The following DENND4A variants were observed in gnomAD, a reference collection of about 807,000 sequenced individuals.
The protein encoded by DENND4A is C-myc promoter-binding protein.
A neutral mutation model predicts 199.3 loss-of-function variants in DENND4A; 70 were observed. The ratio of observed to expected loss-of-function variants is 0.35; its 90% CI spans 0.29 to 0.43. The LOEUF (loss-of-function observed/expected upper bound fraction) is 0.43. Among genes scored for constraint, DENND4A ranks in the 20% least tolerant of loss-of-function variants. The pLI is 1.00. For missense variants in DENND4A, 1,723 were observed against 2,255.8 expected (o/e 0.76, Z 4.78); for synonymous variants, 686 against 766.9 (o/e 0.89, Z 1.74).
chr15:65,741,657 C>G, intron 5 of DENND4A, 58 bp downstream of exon 5: 2 of 1,473,112 alleles, frequency 1.4e-6, no homozygotes, highest in Non-Finnish European at 1.9e-6. Flanking sequence ...TTACTTTAAC[C>G]TTTCCGGGCC....
chr15:65,706,447 AACACAC>A (rs77421887), intron 14 of DENND4A, among the ~76,000 whole-genome samples: 2,415 of 130,270 alleles, frequency 0.019, 33 homozygotes, highest in African/African-American at 0.036. Flanking sequence ...AGGGGAAAAT[AACACAC>A]ACACACACAC....
chr15:65,775,963 T>G (rs2077273573), intron 1 of DENND4A, among the ~76,000 whole-genome samples: 1 of 152,244 alleles, frequency 6.6e-6, no homozygotes, highest in Non-Finnish European at 1.5e-5. Flanking sequence ...AATATCTCTA[T>G]TCCAATGGTC....
At chr15:65,673,491 T>TA (rs532673297) in intron 24 of DENND4A, among the ~76,000 whole-genome samples, 264 of 137,750 alleles carry the variant, frequency 1.9e-3, no homozygotes, top group African/African-American at 4.4e-3. Context: ...AAACAAAGGT[T>TA]AAAAAAAAAA....
At chr15:65,788,932 T>C (rs1445951000) in intron 1 of DENND4A, among the ~76,000 whole-genome samples, 1 of 149,810 alleles carries the variant, frequency 6.7e-6, no homozygotes, top group East Asian at 2.0e-4. Flanking sequence ...AAATTACCCA[T>C]AATCCGATCA....
chr15:65,791,451 C>A (rs1171100581), intron 1 of DENND4A, among the ~76,000 whole-genome samples: 1 of 150,650 alleles, frequency 6.6e-6, no homozygotes, highest in African/African-American at 2.4e-5. Context: ...GTTCCCTTCC[C>A]CCACCACACA....
At chr15:65,680,099 C>T (rs769549845) in intron 23 of DENND4A, among the ~76,000 whole-genome samples, 20 of 152,150 alleles carry the variant, frequency 1.3e-4, no homozygotes, top group Non-Finnish European at 2.6e-4. Context: ...GGAAAAACAA[C>T]GCCTAGCCTA....
chr15:65,716,724 A>T (rs1053595622), intron 13 of DENND4A, among the ~76,000 whole-genome samples: 1 of 151,728 alleles, frequency 6.6e-6, no homozygotes, highest in Non-Finnish European at 1.5e-5. Flanking sequence ...ATGTGTCTTT[A>T]TAGCAGCATG....
rs1458858061 is a variant in DENND4A, at chr15:65,771,563, AAC to A, written c.-101-10127_-101-10126del. ...TACAATTATGGGCATCAGCTGGATA[AAC>A]ACAGAAAAACCTCCATCTCCTCTTT... On this transcript the variant is annotated intron_variant, in intron 1 of 32. Coordinates refer to ENST00000443035, the MANE Select transcript of DENND4A (RefSeq NM_001320835.1). The A allele has an allele frequency of 4.3e-6, 7 of 1,612,592 alleles. No individual in the cohort carries two copies. The East Asian group carries it at 6.7e-5, about 15-fold the overall frequency.
chr15:65,730,613 C>T (rs2075929976), intron 9 of DENND4A, among the ~76,000 whole-genome samples: 1 of 152,000 alleles, frequency 6.6e-6, no homozygotes, highest in South Asian at 2.1e-4. Context: ...TCAAAGAAGC[C>T]AGACTACATA....
chr15:65,709,023 A>G (rs2075150214), intron 14 of DENND4A, among the ~76,000 whole-genome samples: 1 of 152,266 alleles, frequency 6.6e-6, no homozygotes. Context: ...CCATGTGAGA[A>G]TAAGTGAATA....
chr15:65,716,308 A>C (rs36044024), intron 13 of DENND4A, among the ~76,000 whole-genome samples: 30,703 of 150,460 alleles, frequency 0.2, 4,114 homozygotes, highest in East Asian at 0.73. Context: ...GGTTTGTTAC[A>C]TATGTATACA....
At chr15:65,697,705 C>T (rs932361678) in intron 20 of DENND4A, among the ~76,000 whole-genome samples, 2 of 152,130 alleles carry the variant, frequency 1.3e-5, no homozygotes, top group Non-Finnish European at 2.9e-5. Context: ...TATACAAGTC[C>T]ATGACCTTTC....
intron 1 of DENND4A, 23 bp from the exon 2 acceptor site, chr15:65,761,461 T>C (rs1047050340): frequency 2.0e-5 from 3 of 152,198 alleles, no homozygotes; most frequent in African/African-American, 7.2e-5. Flanking sequence ...CAGTAAGAAT[T>C]GGACTTAAAT....
At chr15:65,704,797 G>T (rs532095535) in intron 15 of DENND4A, among the ~76,000 whole-genome samples, 4 of 152,104 alleles carry the variant, frequency 2.6e-5, no homozygotes, top group Admixed American at 2.6e-4. Context: ...TCACCATGTT[G>T]GCCAGGTTGG....
intron 2 of DENND4A, among the ~76,000 whole-genome samples, chr15:65,757,209 TCTC>T (rs1417368972): frequency 6.9e-6 from 1 of 145,920 alleles, no homozygotes; most frequent in East Asian, 2.1e-4. Flanking sequence ...AATTTACTGA[TCTC>T]CTCAATAATC....
At chr15:65,692,000 A>C (rs2076988641) in intron 22 of DENND4A, among the ~76,000 whole-genome samples, 1 of 141,728 alleles carries the variant, frequency 7.1e-6, no homozygotes, top group Admixed American at 7.5e-5. Context: ...ACAGGATCTC[A>C]CTATGTTGCC....
At chr15:65,782,413 C>G (rs573354854) in intron 1 of DENND4A, among the ~76,000 whole-genome samples, 1 of 152,274 alleles carries the variant, frequency 6.6e-6, no homozygotes, top group African/African-American at 2.4e-5. Flanking sequence ...TCAGATCACC[C>G]TGTTTTACTT....
chr15:65,686,794 A>G (rs12899659), intron 23 of DENND4A, among the ~76,000 whole-genome samples: 32,346 of 151,948 alleles, frequency 0.21, 4,430 homozygotes, highest in East Asian at 0.73. Flanking sequence ...GGTTCAAGCA[A>G]CACACCTGCC....
chr15:65,676,460 A>G lies in DENND4A; in HGVS notation c.4354T>C (p.Ser1452Pro), dbSNP rs772068397. 1 of 1,606,888 alleles carries G rather than the reference A, an allele frequency of 6.2e-7. No homozygotes were observed. Among genetic ancestry groups the G allele is most frequent in the South Asian group, 1.1e-5 (1 of 89,196 alleles). Reference protein sequence around the residue: ...IDLSRISLESSASLEGSLSKF... With the variant: ...IDLSRISLESPASLEGSLSKF... Reference sequence around the variant, plus strand: ...TTGGACAAACCTTCCAAGGATGCAGAACTTTCCAGGCTTATTCGGCTGAGA... The same window carrying G: ...TTGGACAAACCTTCCAAGGATGCAGGACTTTCCAGGCTTATTCGGCTGAGA... The change falls in exon 24 of 33, where the codon TCT (serine) becomes CCT (proline). Residue 1452 changes from serine (S) to proline (P), a missense_variant. By Grantham distance (74) the Ser-to-Pro change is moderately conservative. Around this residue, in one of 6 missense-constraint regions of DENND4A, gnomAD observed 650 missense variants for 738.1 expected, o/e 0.88. Transcript: ENST00000443035.
Sources: allele counts gnomAD v4.1 joint callset (sites outside exome capture counted in the v4.1 genomes callset), GRCh38; gene constraint gnomAD v4.1.1; regional missense constraint gnomAD v4.1.1; transcripts MANE v1.5; gene names NCBI Gene and HGNC (gene_info 2026-07-23, HGNC 2026-07-21).